DLEU7: variants seen among roughly 807,000 people sequenced by gnomAD.
DLEU7 encodes leukemia-associated protein 7.
DLEU7 carries 17 observed loss-of-function variants against 16.0 expected under a neutral mutation model. The ratio of observed to expected loss-of-function variants is 1.06; its 90% CI spans 0.73 to 1.59. The LOEUF is 1.59. Ranked by LOEUF, DLEU7 falls within the 40% of genes most tolerant of loss-of-function variation. DLEU7 has a pLI of 0.00. For synonymous variants in DLEU7, 113 were observed against 139.8 expected (o/e 0.81, Z 1.35); for missense variants, 308 against 314.9 (o/e 0.98, Z 0.17).
intron 1 of DLEU7, among the ~76,000 whole-genome samples, chr13:50,827,883 A>G (rs1052104980): frequency 6.6e-6 from 1 of 152,228 alleles, no homozygotes; most frequent in Non-Finnish European, 1.5e-5. Context: ...TTGGTTTTAT[A>G]TGCTGTTTAC....
intron 1 of DLEU7, among the ~76,000 whole-genome samples, chr13:50,826,869 T>C (rs1313626565): frequency 6.6e-6 from 1 of 152,108 alleles, no homozygotes; most frequent in Non-Finnish European, 1.5e-5. Flanking sequence ...AATAATAGCT[T>C]CAAATAACTG....
At chr13:50,776,818 A>C (rs1875513258) in intron 1 of DLEU7, among the ~76,000 whole-genome samples, 1 of 152,186 alleles carries the variant, frequency 6.6e-6, no homozygotes, top group Admixed American at 6.5e-5. Context: ...CATGTTCTGG[A>C]ATAGAAATCC....
intron 1 of DLEU7, among the ~76,000 whole-genome samples, chr13:50,825,108 A>G (rs1398198593): frequency 6.6e-6 from 1 of 152,070 alleles, no homozygotes; most frequent in Non-Finnish European, 1.5e-5. Flanking sequence ...TTTTTTTAAG[A>G]GATGAGATGA....
At chr13:50,737,289 G>A (rs1049562431) in intron 1 of DLEU7, among the ~76,000 whole-genome samples, 1 of 152,002 alleles carries the variant, frequency 6.6e-6, no homozygotes, top group Admixed American at 6.6e-5. Flanking sequence ...ATGACCAAAT[G>A]GAGTTTATCC....
At chr13:50,744,439 C>A (rs7989422) in intron 1 of DLEU7, among the ~76,000 whole-genome samples, 12,278 of 152,206 alleles carry the variant, frequency 0.081, 1,623 homozygotes, top group African/African-American at 0.28. Flanking sequence ...TCCTGACTGG[C>A]TTTTGACCGT....
intron 1 of DLEU7, among the ~76,000 whole-genome samples, chr13:50,757,515 C>G (rs1022929853): frequency 2.6e-5 from 4 of 152,118 alleles, no homozygotes; most frequent in Non-Finnish European, 5.9e-5. Flanking sequence ...TAGAGTTTCC[C>G]CACCAGCCAA....
At chr13:50,768,870 A>G (rs1875202932) in intron 1 of DLEU7, among the ~76,000 whole-genome samples, 2 of 152,218 alleles carry the variant, frequency 1.3e-5, no homozygotes, top group Non-Finnish European at 2.9e-5. Context: ...ACCATCTTCC[A>G]CAATGGCTGA....
At chr13:50,755,699 G>A (rs1874734453) in intron 1 of DLEU7, among the ~76,000 whole-genome samples, 1 of 151,998 alleles carries the variant, frequency 6.6e-6, no homozygotes. Context: ...AGGTAAATCA[G>A]GGATTTCTTC....
intron 1 of DLEU7, among the ~76,000 whole-genome samples, chr13:50,782,491 G>A (rs1478687381): frequency 6.6e-6 from 1 of 152,122 alleles, no homozygotes; most frequent in African/African-American, 2.4e-5. Flanking sequence ...CCTTGTCCAA[G>A]AAGCTATTGC....
intron 1 of DLEU7, among the ~76,000 whole-genome samples, chr13:50,824,135 C>T (rs936427679): frequency 6.6e-6 from 1 of 152,150 alleles, no homozygotes; most frequent in Non-Finnish European, 1.5e-5. Flanking sequence ...TTCGGTAGTT[C>T]AGTATTCCAA....
intron 1 of DLEU7, among the ~76,000 whole-genome samples, chr13:50,774,772 T>TA (rs564220314): frequency 2.3e-4 from 35 of 150,020 alleles, no homozygotes; most frequent in African/African-American, 4.9e-4. Flanking sequence ...TCTGCTAAGT[T>TA]AAAAAAAAAA....
chr13:50,777,194 A>C (rs137900277), intron 1 of DLEU7, among the ~76,000 whole-genome samples: 16 of 152,312 alleles, frequency 1.1e-4, no homozygotes, highest in African/African-American at 3.8e-4. Context: ...TGTCACAGTT[A>C]ATACTGAGTG....
intron 1 of DLEU7, among the ~76,000 whole-genome samples, chr13:50,716,154 A>G (rs1399261384): frequency 4.6e-5 from 7 of 152,244 alleles, no homozygotes; most frequent in Non-Finnish European, 5.9e-5. Context: ...CTAAGAAAGA[A>G]TAGAATTGCT....
At chr13:50,791,381 G>T (rs1208262268) in intron 1 of DLEU7, among the ~76,000 whole-genome samples, 1 of 152,210 alleles carries the variant, frequency 6.6e-6, no homozygotes, top group Admixed American at 6.5e-5. Flanking sequence ...GGATGTGGGT[G>T]GTGAGACTTG....
upstream of DLEU7, chr13:50,843,918 G>A (rs1401549516): frequency 2.4e-5 from 11 of 452,194 alleles, no homozygotes; most frequent in Non-Finnish European, 4.3e-5. The surrounding 1 kb of genome is among the most constrained non-coding windows in gnomAD (Gnocchi z 5.7). Flanking sequence ...AATGCTGAGC[G>A]TTGCTTCTTC....
At chr13:50,729,614 T>C (rs1044577915) in intron 1 of DLEU7, among the ~76,000 whole-genome samples, 1 of 152,228 alleles carries the variant, frequency 6.6e-6, no homozygotes, top group African/African-American at 2.4e-5. Context: ...CCAAACTGCT[T>C]TCCACAGTGG....
intron 1 of DLEU7, among the ~76,000 whole-genome samples, chr13:50,789,082 A>G (rs1247015956): frequency 2.0e-5 from 3 of 152,040 alleles, no homozygotes; most frequent in Non-Finnish European, 4.4e-5. Flanking sequence ...TCACAACACA[A>G]CAACAGCATC....
In DLEU7 at chr13:50,843,531, T is replaced by C; in HGVS notation, c.116A>G (p.Asn39Ser). The C allele has an allele frequency of 7.0e-7, 1 of 1,432,562 alleles. No homozygotes were observed. The highest frequency in any genetic ancestry group is 9.1e-7 in the Non-Finnish European group (1 of 1,103,896). 88.7% of individuals were successfully genotyped at this position (1,432,562 alleles called of 1,614,324 possible). A position where few individuals can be genotyped will look rare whatever the true frequency, so the allele number is the denominator to read the frequency against. ...GWGDGPVAPG[N>S]PRDPDHVSTA... ...GGACACGTGGTCTGGGTCCCGCGGG[T>C]TCCCGGGGGCGACTGGACCGTCCCC... is the stretch of plus-strand genomic sequence containing the variant. Residue 39 changes from asparagine to serine, a missense_variant, in exon 1 of 2, where the codon AAC (asparagine) becomes AGC (serine). Asn to Ser is a conservative substitution (Grantham distance 46). Transcript: ENST00000504404. This position sits in a 1 kb window ranked among gnomAD's most constrained non-coding sequence, Gnocchi z 5.7.
intron 1 of DLEU7, among the ~76,000 whole-genome samples, chr13:50,715,017 C>T (rs1873400547): frequency 6.6e-6 from 1 of 152,138 alleles, no homozygotes; most frequent in Admixed American, 6.5e-5. Flanking sequence ...CAGGCCTCTG[C>T]GCCTTGTTGG....
Sources: allele counts gnomAD v4.1 joint callset (sites outside exome capture counted in the v4.1 genomes callset), GRCh38; gene constraint gnomAD v4.1.1; non-coding constraint Gnocchi (gnomAD v3.1); transcripts MANE v1.5; gene names NCBI Gene and HGNC (gene_info 2026-07-23, HGNC 2026-07-21).